PRKCB: variants seen among roughly 807,000 people sequenced by gnomAD.
The protein encoded by PRKCB is protein kinase C beta, also known as protein kinase C beta type.
A neutral mutation model predicts 81.5 loss-of-function variants in PRKCB; 13 were observed. That is an observed-to-expected ratio of 0.16 (90% confidence interval 0.10 to 0.25). The LOEUF (loss-of-function observed/expected upper bound fraction) is 0.25. Among genes scored for constraint, PRKCB ranks in the 10% least tolerant of loss-of-function variants. The probability of loss-of-function intolerance (pLI) is 1.00; values close to 1 mark genes in which losing one functional copy is unlikely to be tolerated. For missense variants in PRKCB, 509 were observed against 875.7 expected, an observed-to-expected ratio of 0.58 and a Z score of 5.29; for synonymous variants, 335 against 321.4, an observed-to-expected ratio of 1.04 and a Z score of -0.45.
Position 24,129,186 on chromosome 16 carries a change from C to T in PRKCB, c.1065+5205C>T, listed in dbSNP as rs144380424. On this transcript the variant is annotated intron_variant, in intron 9 of 16. Transcript: ENST00000643927. ...TCATGGTAATGATTTGTATGATCCA[C>T]GTCTTTAAAAAATAGTATGCAGGAA... 8.5e-5 allele frequency among the ~76,000 whole-genome samples: 13 copies of T among 152,194 alleles called. No individual in the cohort carries two copies. The East Asian group carries it at 1.9e-3, about 23-fold the overall frequency.
intron 2 of PRKCB, among the ~76,000 whole-genome samples, chr16:23,839,984 A>G (rs984729669): frequency 2.6e-5 from 4 of 152,196 alleles, no homozygotes; most frequent in Admixed American, 6.5e-5. Flanking sequence ...TCAGCCATGA[A>G]CTTCTGGTCA....
chr16:24,174,419 G>A, intron 11 of PRKCB, 99 bp from the exon 12 acceptor site: 3 of 1,076,412 alleles, frequency 2.8e-6, no homozygotes, highest in Non-Finnish European at 4.1e-6. Flanking sequence ...GTTCTTTAAT[G>A]TCCTACACCT....
At chr16:23,925,949 A>C (rs1963890844) in intron 2 of PRKCB, among the ~76,000 whole-genome samples, 1 of 151,418 alleles carries the variant, frequency 6.6e-6, no homozygotes, top group Non-Finnish European at 1.5e-5. Context: ...TTTTAAGATA[A>C]TGGCTTTGGG....
intron 10 of PRKCB, among the ~76,000 whole-genome samples, chr16:24,157,972 C>G (rs1173611107): frequency 6.6e-6 from 1 of 152,174 alleles, no homozygotes; most frequent in African/African-American, 2.4e-5. Context: ...TGAAGGCCTT[C>G]CCATGTGGAG....
At chr16:24,079,880 G>T (rs138564777) in intron 5 of PRKCB, among the ~76,000 whole-genome samples, 127 of 152,252 alleles carry the variant, frequency 8.3e-4, no homozygotes, top group African/African-American at 2.9e-3. Context: ...TATTTATTAC[G>T]TCAAGAAAAG....
chr16:24,168,383 C>T (rs1027626710), intron 10 of PRKCB, among the ~76,000 whole-genome samples: 1 of 152,162 alleles, frequency 6.6e-6, no homozygotes, highest in African/African-American at 2.4e-5. Flanking sequence ...AGCTTTGCAA[C>T]TTTTGACAGC....
At chr16:24,191,283 G>A in intron 16 of PRKCB, 53 bp downstream of exon 16, 2 of 1,603,776 alleles carry the variant, frequency 1.2e-6, no homozygotes, top group Non-Finnish European at 1.7e-6. Context: ...AGGTATTCTT[G>A]CCTGTGCCTC....
chr16:24,028,531 G>A (rs566835179), intron 3 of PRKCB, among the ~76,000 whole-genome samples: 22 of 152,322 alleles, frequency 1.4e-4, no homozygotes, highest in African/African-American at 5.1e-4. Context: ...AACCACTGAT[G>A]TTTTCTGTCC....
In PRKCB at chr16:24,154,780, A is replaced by C. The variant is rs746420133; in HGVS notation, c.1162A>C (p.Met388Leu). The change falls in exon 10 of 17, where the codon ATG (methionine) becomes CTG (leucine). Residue 388 changes from methionine to leucine, a missense_variant. By Grantham distance (15) the Met-to-Leu change is conservative. Coordinates refer to ENST00000643927, the MANE Select transcript of PRKCB (RefSeq NM_002738.7). ...CCAAGATGATGACGTGGAGTGCACTATGGTGGAGAAGCGGGTGTTGGCCCT... is the reference window on the plus strand; with the variant it reads ...CCAAGATGATGACGTGGAGTGCACTCTGGTGGAGAAGCGGGTGTTGGCCCT... ...VIQDDDVECT[M>L]VEKRVLALPG... The C allele has an allele frequency of 6.2e-7, 1 of 1,614,208 alleles. No individual in the cohort carries two copies. Among genetic ancestry groups the C allele is most frequent in the Non-Finnish European group, 8.5e-7 (1 of 1,180,024 alleles).
chr16:23,854,515 C>A (rs751307209), intron 2 of PRKCB, among the ~76,000 whole-genome samples: 10 of 152,126 alleles, frequency 6.6e-5, no homozygotes, highest in Non-Finnish European at 1.2e-4. Flanking sequence ...TCTAGGACAA[C>A]TGGGGCCTCT....
rs1000419957 is a variant in PRKCB at position 24,015,563 on chromosome 16, C to T, written c.289-16573C>T. Among the ~76,000 whole-genome samples the T allele has an allele frequency of 4.6e-5, 7 of 152,346 alleles. No homozygotes were observed. The South Asian group carries it at 8.3e-4, about 18-fold the overall frequency. On this transcript the variant is annotated intron_variant, in intron 3 of 16. Coordinates refer to ENST00000643927, the MANE Select transcript of PRKCB (RefSeq NM_002738.7). ...ACCTCATGCAGTGGAGCAGTTACTCCCTTCCCATGGGGCAGAGCCCCAGCT... is the reference window on the plus strand; with the variant it reads ...ACCTCATGCAGTGGAGCAGTTACTCTCTTCCCATGGGGCAGAGCCCCAGCT...
At chr16:24,210,913 A>G (rs1332701433) in intron 16 of PRKCB, among the ~76,000 whole-genome samples, 1 of 152,220 alleles carries the variant, frequency 6.6e-6, no homozygotes, top group Non-Finnish European at 1.5e-5. Context: ...TGTAAGTTCC[A>G]TGAAGCATGG....
At chr16:23,933,710 C>A (rs1345588127) in intron 2 of PRKCB, among the ~76,000 whole-genome samples, 2 of 146,562 alleles carry the variant, frequency 1.4e-5, no homozygotes, top group African/African-American at 5.1e-5. Flanking sequence ...TCCATCCATC[C>A]ATTCATCCAT....
intron 2 of PRKCB, among the ~76,000 whole-genome samples, chr16:23,913,703 G>T (rs768797340): frequency 6.6e-6 from 1 of 152,206 alleles, no homozygotes; most frequent in Non-Finnish European, 1.5e-5. Context: ...GGGGAAGGAA[G>T]CTCTTCTGAC....
intron 2 of PRKCB, among the ~76,000 whole-genome samples, chr16:23,902,938 T>C (rs1394283306): frequency 1.3e-5 from 2 of 151,712 alleles, no homozygotes; most frequent in East Asian, 3.9e-4. Context: ...TGAGTAGCTT[T>C]GACTACAGGC....
At chr16:24,001,787 A>G (rs1267875917) in intron 3 of PRKCB, among the ~76,000 whole-genome samples, 1 of 152,202 alleles carries the variant, frequency 6.6e-6, no homozygotes, top group Admixed American at 6.5e-5. Context: ...AAACCTTTAC[A>G]ATTTTTTTTA....
intron 16 of PRKCB, among the ~76,000 whole-genome samples, chr16:24,204,521 T>C (rs1968014201): frequency 6.6e-6 from 1 of 152,134 alleles, no homozygotes; most frequent in Non-Finnish European, 1.5e-5. Context: ...GATAGGCAAA[T>C]AGAAGGGATA....
At chr16:24,202,306 C>T (rs1481771307) in intron 16 of PRKCB, among the ~76,000 whole-genome samples, 2 of 152,166 alleles carry the variant, frequency 1.3e-5, no homozygotes, top group African/African-American at 4.8e-5. Context: ...CCAGTTCCTG[C>T]TATTTCCACT....
chr16:23,911,499 A>T (rs1370849200), intron 2 of PRKCB, among the ~76,000 whole-genome samples: 1 of 152,144 alleles, frequency 6.6e-6, no homozygotes, highest in African/African-American at 2.4e-5. Context: ...GGGCCCTATA[A>T]GAGCTCTGTG....
Sources: gnomAD v4.1 joint callset for allele counts (sites outside exome capture counted in the v4.1 genomes callset) on GRCh38, gnomAD v4.1.1 for gene constraint, MANE v1.5 for transcripts, NCBI Gene and HGNC (gene_info 2026-07-23, HGNC 2026-07-21) for gene names.